The following SYNE2 variants were observed in gnomAD, a reference collection of about 807,000 sequenced individuals.
The protein encoded by SYNE2 is nesprin-2.
A neutral mutation model predicts 856.3 loss-of-function variants in SYNE2; 431 were observed. That is an observed-to-expected ratio of 0.50 (90% CI 0.47 to 0.55). The LOEUF (loss-of-function observed/expected upper bound fraction) is 0.55, where lower values mean the gene tolerates loss of function less well. Among genes scored for constraint, SYNE2 ranks in the 20% least tolerant of loss-of-function variants. The pLI, the probability that SYNE2 is intolerant of heterozygous loss-of-function variation, is 0.00. For synonymous variants in SYNE2, 2,923 were observed against 2,872.3 expected, an observed-to-expected ratio of 1.02 and a Z score of -0.56; for missense variants, 8,129 against 8,023.2, an observed-to-expected ratio of 1.01 and a Z score of -0.50.
Position 63,803,945 on chromosome 14 carries a change from G to C in SYNE2, c.-305+41959G>C, listed in dbSNP as rs575411762. Reference sequence around the variant, plus strand: ...TTTCCTCCTTGCTGTTTTCATGATGGTGAGTAAGTTCTCACAAGATCAAGT... The same window carrying C: ...TTTCCTCCTTGCTGTTTTCATGATGCTGAGTAAGTTCTCACAAGATCAAGT... On this transcript the variant is annotated intron_variant, in intron 1 of 23. Coordinates refer to the SYNE2 transcript ENST00000674003. Among the ~76,000 whole-genome samples, 49 of 152,292 alleles carry C rather than the reference G, an allele frequency of 3.2e-4. No homozygotes were observed. In the South Asian group the frequency reaches 9.3e-3, roughly 29 times the overall value.
chr14:63,787,289 T>C (rs528127130), intron 1 of SYNE2, among the ~76,000 whole-genome samples: 16 of 152,268 alleles, frequency 1.1e-4, no homozygotes, highest in Non-Finnish European at 2.4e-4. Context: ...TCTTATTCCT[T>C]CTACGCAACA....
At chr14:63,834,114 T>G (rs1428083656) in intron 1 of SYNE2, among the ~76,000 whole-genome samples, 1 of 152,228 alleles carries the variant, frequency 6.6e-6, no homozygotes, top group Non-Finnish European at 1.5e-5. Flanking sequence ...AAAATACATA[T>G]AGCAAAGAAT....
At position 64,121,033 on chromosome 14, in the gene SYNE2, G is replaced by A. The variant is rs548347233; in HGVS notation, c.13130G>A (p.Ser4377Asn). Residue 4377 changes from serine to asparagine, a missense_variant, in exon 68 of 116, where the codon AGC becomes AAC. This residue lies in a region of SYNE2 where 5,410 missense variants were observed against 5,284.8 expected (regional missense o/e 1.02). Coordinates refer to ENST00000555002, the MANE Select transcript of SYNE2 (RefSeq NM_182914.3). ...ATTGTAACTGAAAGGCCACAATTCA[G>A]CAGACAAAAAGATTTCCAGCAGCAA... ...ESIVTERPQF[S>N]RQKDFQQQQV... 7 of 1,614,074 alleles carry A rather than the reference G, an allele frequency of 4.3e-6. No individual in the cohort carries two copies. The highest frequency in any genetic ancestry group is 2.7e-5 in the African/African-American group (2 of 75,028).
rs573632919 is a variant in SYNE2, at chr14:64,179,644, A to C, written c.17556+2161A>C. 7.5e-4 allele frequency among the ~76,000 whole-genome samples: 114 copies of C among 152,234 alleles called. 1 individual carries two copies. The highest frequency in any genetic ancestry group is 2.7e-3 in the African/African-American group (113 of 41,546). The stretch of plus-strand genomic sequence containing the variant: ...GTGAGATAGTATCTCTTTATAGTTT[A>C]TTAGTCAGTTGCACATTTTTTTCAT... On this transcript the variant is annotated intron_variant, in intron 96 of 115. Coordinates refer to ENST00000555002, the MANE Select transcript of SYNE2 (RefSeq NM_182914.3).
At chr14:64,105,310 T>G (rs901638959) in intron 64 of SYNE2, among the ~76,000 whole-genome samples, 1 of 152,226 alleles carries the variant, frequency 6.6e-6, no homozygotes, top group Admixed American at 6.5e-5. Context: ...AATGCAAACT[T>G]AGCGTGACAT....
At chr14:63,842,658 C>T (rs1383853855) in intron 1 of SYNE2, among the ~76,000 whole-genome samples, 3 of 152,048 alleles carry the variant, frequency 2.0e-5, no homozygotes, top group Non-Finnish European at 4.4e-5. Flanking sequence ...GGGGGTTTCA[C>T]CATGTTGGCC....
chr14:63,818,344 CAAAAA>C (rs34448523), intron 1 of SYNE2, among the ~76,000 whole-genome samples: 8 of 86,518 alleles, frequency 9.2e-5, no homozygotes, highest in Admixed American at 1.4e-4. Flanking sequence ...GACTCCGTCT[CAAAAA>C]AAAAAAAAAA....
intron 51 of SYNE2, among the ~76,000 whole-genome samples, chr14:64,066,362 G>A (rs540251028): frequency 5.2e-4 from 79 of 152,196 alleles, no homozygotes; most frequent in Admixed American, 5.0e-3. Context: ...TCTGGGCATG[G>A]TGGCACATGC....
In SYNE2 at chr14:63,845,038, T is replaced by G. The variant is rs537276100; in HGVS notation, c.-304-7463T>G. Among the ~76,000 whole-genome samples, 51 of 152,360 alleles carry G rather than the reference T, an allele frequency of 3.3e-4. 1 individual carries two copies. In the East Asian group the frequency reaches 5.0e-3, roughly 15 times the overall value. On this transcript the variant is annotated intron_variant, in intron 1 of 23. Transcript: ENST00000674003. ...TGGATAGTTATTTTATATCTTTATT[T>G]TTTCTAGTAAAATAGGTTTGTCTAG...
intron 1 of SYNE2, among the ~76,000 whole-genome samples, chr14:63,846,676 A>G (rs923290002): frequency 2.7e-4 from 41 of 150,884 alleles, no homozygotes; most frequent in Admixed American, 2.7e-3. Context: ...GCTCACTGCA[A>G]CCTCTGCATC....
intron 1 of SYNE2, 61 bp from the exon 2 acceptor site, chr14:63,909,037 C>A: frequency 1.2e-6 from 1 of 829,530 alleles, no homozygotes; most frequent in Non-Finnish European, 2.1e-6. Context: ...TCTGGCAATG[C>A]ATGTTTACTA....
intron 100 of SYNE2, among the ~76,000 whole-genome samples, chr14:64,208,525 C>A (rs990199163): frequency 6.6e-6 from 1 of 152,132 alleles, no homozygotes; most frequent in African/African-American, 2.4e-5. Flanking sequence ...CATGGTTCAG[C>A]GCATAAGTCC....
chr14:63,833,785 A>C (rs1290829117), intron 1 of SYNE2, among the ~76,000 whole-genome samples: 2 of 152,198 alleles, frequency 1.3e-5, no homozygotes, highest in African/African-American at 2.4e-5. Context: ...CGATTATTTA[A>C]AAAATAATTT....
rs2140290308 is a variant in SYNE2 at position 64,216,402 on chromosome 14, CA to C, written c.19542+16del. 6.2e-7 allele frequency: 1 copy of C among 1,613,622 alleles called. No individual in the cohort carries two copies. The highest frequency in any genetic ancestry group is 2.2e-5 in the East Asian group (1 of 44,890). On this transcript the variant is annotated intron_variant, in intron 108 of 115. Coordinates refer to ENST00000555002, the MANE Select transcript of SYNE2 (RefSeq NM_182914.3). Reference sequence around the variant, plus strand: ...AACCACCCTATGTAAGTCTTAACTTCACTGGGAGTACAGCCTATGTCTGTGA... The same window carrying C: ...AACCACCCTATGTAAGTCTTAACTTCCTGGGAGTACAGCCTATGTCTGTGA...
intron 100 of SYNE2, among the ~76,000 whole-genome samples, chr14:64,205,319 T>C (rs1340747169): frequency 6.6e-6 from 1 of 152,146 alleles, no homozygotes; most frequent in Non-Finnish European, 1.5e-5. Flanking sequence ...GTTTATATTA[T>C]GCTAAACTCA....
intron 45 of SYNE2, among the ~76,000 whole-genome samples, chr14:64,044,093 G>A (rs1012742499): frequency 6.6e-6 from 1 of 152,230 alleles, no homozygotes; most frequent in South Asian, 2.1e-4. Context: ...TGGAAAAGCT[G>A]CAAACATTCA....
chr14:63,830,933 C>T (rs919603121), intron 1 of SYNE2, among the ~76,000 whole-genome samples: 9 of 149,950 alleles, frequency 6.0e-5, no homozygotes, highest in Admixed American at 1.3e-4. Context: ...CTCCACCTTC[C>T]GGGTTCAAGT....
chr14:63,900,051 A>G (rs1013760564), intron 1 of SYNE2, among the ~76,000 whole-genome samples: 1 of 152,208 alleles, frequency 6.6e-6, no homozygotes, highest in Admixed American at 6.5e-5. Flanking sequence ...GTGGATACTG[A>G]AGTTCAGAGC....
intron 84 of SYNE2, among the ~76,000 whole-genome samples, chr14:64,149,076 G>A (rs1433531727): frequency 6.6e-6 from 1 of 151,308 alleles, no homozygotes; most frequent in Non-Finnish European, 1.5e-5. Flanking sequence ...GGGAGGCTAA[G>A]GCAGAAGGAT....
Sources: gnomAD v4.1 joint callset for allele counts (sites outside exome capture counted in the v4.1 genomes callset) on GRCh38, gnomAD v4.1.1 for gene constraint, gnomAD v4.1.1 regional missense constraint, MANE v1.5 for transcripts, NCBI Gene and HGNC (gene_info 2026-07-23, HGNC 2026-07-21) for gene names.